The following AGBL4 variants were observed in gnomAD, a reference collection of about 807,000 sequenced individuals.
AGBL4 encodes AGBL carboxypeptidase 4.
Under a neutral mutation model 66.4 loss-of-function variants are expected in AGBL4, and 58 were observed. The ratio of observed to expected loss-of-function variants is 0.87; its 90% confidence interval spans 0.71 to 1.09. AGBL4 has a LOEUF of 1.09. Among genes scored for constraint, AGBL4 ranks in the 50% least tolerant of loss-of-function variants. The probability of loss-of-function intolerance (pLI) is 0.00; values close to 1 mark genes in which losing one functional copy is unlikely to be tolerated. For synonymous variants in AGBL4, 234 were observed against 222.9 expected (o/e 1.05, Z -0.44); for missense variants, 579 against 631.0 (o/e 0.92, Z 0.88).
chr1:49,395,442 A>C (rs1174321172), intron 3 of AGBL4, among the ~76,000 whole-genome samples: 1 of 152,024 alleles, frequency 6.6e-6, no homozygotes, highest in Non-Finnish European at 1.5e-5. Context: ...AAGAAGGTGA[A>C]TATAAAAATA....
chr1:49,333,018 A>G (rs545249165), intron 3 of AGBL4, among the ~76,000 whole-genome samples: 2 of 152,298 alleles, frequency 1.3e-5, no homozygotes, highest in South Asian at 2.1e-4. Flanking sequence ...AACCACAAGT[A>G]ATGATGAGCT....
At chr1:48,976,214 T>C (rs3122290) in intron 5 of AGBL4, among the ~76,000 whole-genome samples, 80,896 of 151,968 alleles carry the variant, frequency 0.53, 21,859 homozygotes, top group Non-Finnish European at 0.58. Flanking sequence ...AAATATCATG[T>C]AGATAAAATA....
At position 49,041,594 on chromosome 1, in the gene AGBL4, T is replaced by C. The variant is rs1571303215; in HGVS notation, c.594+3990A>G. ...TTGGCCCTGATATGAACTAGTCATG[T>C]GGTCTTAACGAAGAAACTTATTTTT... On this transcript the variant is annotated intron_variant, in intron 5 of 13. Coordinates refer to ENST00000371839, the MANE Select transcript of AGBL4 (RefSeq NM_032785.4). Among the ~76,000 whole-genome samples the C allele has an allele frequency of 2.6e-5, 4 of 152,274 alleles. 1 individual carries two copies. The highest frequency in any genetic ancestry group is 4.1e-4 in the South Asian group (2 of 4,826).
chr1:48,861,155 T>C (rs762608390), intron 6 of AGBL4, among the ~76,000 whole-genome samples: 2 of 152,116 alleles, frequency 1.3e-5, no homozygotes, highest in Non-Finnish European at 2.9e-5. Flanking sequence ...AGACTAGACA[T>C]GGTCAAAAGT....
intron 6 of AGBL4, among the ~76,000 whole-genome samples, chr1:48,686,928 C>T (rs1390870868): frequency 6.6e-6 from 1 of 152,136 alleles, no homozygotes; most frequent in Non-Finnish European, 1.5e-5. Context: ...TGCCTGTCTG[C>T]ATTGACAGGC....
intron 3 of AGBL4, among the ~76,000 whole-genome samples, chr1:49,438,774 C>G (rs1645960727): frequency 6.6e-6 from 1 of 152,290 alleles, no homozygotes; most frequent in African/African-American, 2.4e-5. Flanking sequence ...AGGAGACACA[C>G]TGTCACTGTC....
the AGBL4 span, among the ~76,000 whole-genome samples, chr1:48,525,571 CT>C: frequency 1.3e-5 from 2 of 152,182 alleles, no homozygotes; most frequent in Non-Finnish European, 2.9e-5. Context: ...TCACGATTCT[CT>C]TTTTCTTTTA....
chr1:49,873,554 CT>C (rs1646890994), intron 1 of AGBL4, among the ~76,000 whole-genome samples: 1 of 152,064 alleles, frequency 6.6e-6, no homozygotes, highest in South Asian at 2.1e-4. Flanking sequence ...CCACAGGTAG[CT>C]ACTCTATGTT....
intron 1 of AGBL4, among the ~76,000 whole-genome samples, chr1:49,992,098 G>A (rs745731612): frequency 7.9e-5 from 12 of 152,130 alleles, no homozygotes; most frequent in African/African-American, 1.4e-4. Context: ...TGGGCCAGGC[G>A]CAGTGGCTCA....
chr1:49,169,585 C>T (rs984539318), intron 4 of AGBL4, among the ~76,000 whole-genome samples: 6 of 152,162 alleles, frequency 3.9e-5, no homozygotes, highest in African/African-American at 1.4e-4. Context: ...CCACCTCTAT[C>T]GAGTTCTGAA....
intron 4 of AGBL4, among the ~76,000 whole-genome samples, chr1:49,203,952 A>T (rs1647927673): frequency 6.6e-6 from 1 of 152,200 alleles, no homozygotes; most frequent in Non-Finnish European, 1.5e-5. Flanking sequence ...CACACTAAAG[A>T]TTTTTTTGAA....
At chr1:48,545,749 G>A (rs1644149080) in intron 11 of AGBL4, among the ~76,000 whole-genome samples, 1 of 152,204 alleles carries the variant, frequency 6.6e-6, no homozygotes, top group Non-Finnish European at 1.5e-5. Context: ...ATTCAGCTGG[G>A]ATTGTCCTAA....
At chr1:49,730,769 C>A (rs528182681) in intron 2 of AGBL4, among the ~76,000 whole-genome samples, 1 of 152,154 alleles carries the variant, frequency 6.6e-6, no homozygotes, top group Non-Finnish European at 1.5e-5. Context: ...AGAGCAAACC[C>A]GGTAGGCTCC....
intron 4 of AGBL4, among the ~76,000 whole-genome samples, chr1:49,154,172 T>C (rs1374308894): frequency 6.6e-6 from 1 of 151,994 alleles, no homozygotes; most frequent in Non-Finnish European, 1.5e-5. Context: ...ACGTTGTCTA[T>C]GGGTGAAGGC....
chr1:49,443,784 A>T (rs1019959542), intron 3 of AGBL4, among the ~76,000 whole-genome samples: 1 of 149,556 alleles, frequency 6.7e-6, no homozygotes, highest in African/African-American at 2.4e-5. Context: ...GATTTTTATT[A>T]TATATATATA....
At chr1:49,206,689 CG>C (rs2148242395) in intron 4 of AGBL4, among the ~76,000 whole-genome samples, 1 of 152,094 alleles carries the variant, frequency 6.6e-6, no homozygotes, top group South Asian at 2.1e-4. Context: ...ACTGCACCTG[CG>C]TCACTGACAA....
At chr1:48,591,577 A>G (rs1644919613) in intron 9 of AGBL4, among the ~76,000 whole-genome samples, 1 of 152,218 alleles carries the variant, frequency 6.6e-6, no homozygotes, top group African/African-American at 2.4e-5. Context: ...AATAATTACT[A>G]TATTTCTTGA....
chr1:49,738,218 C>G (rs1255828854), intron 2 of AGBL4, among the ~76,000 whole-genome samples: 1 of 152,228 alleles, frequency 6.6e-6, no homozygotes, highest in African/African-American at 2.4e-5. Flanking sequence ...TAACACTGAG[C>G]TTTTCCAACA....
chr1:49,318,840 T>G (rs2148472998), intron 3 of AGBL4, among the ~76,000 whole-genome samples: 1 of 152,244 alleles, frequency 6.6e-6, no homozygotes, highest in Admixed American at 6.5e-5. Context: ...AAATGCATTA[T>G]CTTACAAGTA....
Sources: allele counts gnomAD v4.1 joint callset (sites outside exome capture counted in the v4.1 genomes callset), GRCh38; gene constraint gnomAD v4.1.1; transcripts MANE v1.5; gene names NCBI Gene and HGNC (gene_info 2026-07-23, HGNC 2026-07-21).